FHIT: variants seen among roughly 807,000 people sequenced by gnomAD.
The protein encoded by FHIT is bis(5'-adenosyl)-triphosphatase.
A neutral mutation model predicts 17.9 loss-of-function variants in FHIT; 19 were observed. The observed-to-expected ratio is 1.06, with a 90% CI of 0.74 to 1.56. The LOEUF (loss-of-function observed/expected upper bound fraction) is 1.56, where lower values mean the gene tolerates loss of function less well. Among genes scored for constraint, FHIT ranks in the 40% most tolerant of loss-of-function variants. The pLI is 0.00. For missense variants in FHIT, 248 were observed against 189.2 expected (o/e 1.31, Z -1.82); for synonymous variants, 81 against 69.7 (o/e 1.16, Z -0.81).
chr3:60,259,937 G>C (rs1706207313), intron 5 of FHIT, among the ~76,000 whole-genome samples: 1 of 152,016 alleles, frequency 6.6e-6, no homozygotes, highest in South Asian at 2.1e-4. Context: ...GAAAGCAAGA[G>C]GCTGGGACCT....
intron 8 of FHIT, among the ~76,000 whole-genome samples, chr3:59,777,482 C>T (rs1296627380): frequency 6.6e-6 from 1 of 152,162 alleles, no homozygotes; most frequent in East Asian, 1.9e-4. Flanking sequence ...AGCAATTCTT[C>T]TTAGCTTCTG....
chr3:60,042,948 G>T (rs907763484), intron 5 of FHIT, among the ~76,000 whole-genome samples: 1 of 152,136 alleles, frequency 6.6e-6, no homozygotes, highest in Admixed American at 6.6e-5. Context: ...CCTTGATGAA[G>T]TGTCTACTGT....
chr3:59,867,094 A>C (rs928114962), intron 8 of FHIT, among the ~76,000 whole-genome samples: 1 of 146,446 alleles, frequency 6.8e-6, no homozygotes, highest in African/African-American at 2.6e-5. Flanking sequence ...GCCTCTAATT[A>C]GTTAAAAGAC....
At chr3:60,921,568 A>T (rs1406995165) in intron 3 of FHIT, among the ~76,000 whole-genome samples, 1 of 152,238 alleles carries the variant, frequency 6.6e-6, no homozygotes, top group African/African-American at 2.4e-5. Context: ...CTTTTTAAAT[A>T]ACATTATAAC....
At chr3:60,823,068 T>C (rs1553739843) in intron 3 of FHIT, among the ~76,000 whole-genome samples, 1 of 152,226 alleles carries the variant, frequency 6.6e-6, no homozygotes, top group African/African-American at 2.4e-5. Context: ...CAGATGATCA[T>C]TCATTTAACA....
At chr3:60,264,422 A>G (rs1340504707) in intron 5 of FHIT, among the ~76,000 whole-genome samples, 1 of 152,034 alleles carries the variant, frequency 6.6e-6, no homozygotes, top group Non-Finnish European at 1.5e-5. Flanking sequence ...AAGCTTAAAA[A>G]GAAAAAATTA....
intron 5 of FHIT, among the ~76,000 whole-genome samples, chr3:60,303,212 TC>T (rs1708520418): frequency 6.6e-6 from 1 of 152,176 alleles, no homozygotes; most frequent in Non-Finnish European, 1.5e-5. Flanking sequence ...AGAAACTATT[TC>T]TTTTCACCTC....
chr3:59,894,303 G>T (rs1271728376), intron 8 of FHIT, among the ~76,000 whole-genome samples: 1 of 152,076 alleles, frequency 6.6e-6, no homozygotes, highest in Non-Finnish European at 1.5e-5. Flanking sequence ...TTTGAATCCT[G>T]GCCCTATTCC....
At chr3:60,986,080 C>G (rs372991937) in intron 3 of FHIT, among the ~76,000 whole-genome samples, 4 of 152,224 alleles carry the variant, frequency 2.6e-5, no homozygotes, top group Admixed American at 1.3e-4. Flanking sequence ...AGAATAATCT[C>G]TCATTCTCAA....
chr3:60,203,505 A>C (rs1312382896), intron 5 of FHIT, among the ~76,000 whole-genome samples: 2 of 152,192 alleles, frequency 1.3e-5, no homozygotes, highest in African/African-American at 4.8e-5. Context: ...TCACACCAAG[A>C]GTTTTTATCA....
chr3:61,111,346 C>G (rs900903415), intron 2 of FHIT, among the ~76,000 whole-genome samples: 1 of 152,170 alleles, frequency 6.6e-6, no homozygotes, highest in African/African-American at 2.4e-5. Context: ...ACAAGCCACA[C>G]TGAATCTCAT....
intron 3 of FHIT, among the ~76,000 whole-genome samples, chr3:60,887,519 G>A (rs553539965): frequency 6.6e-5 from 10 of 151,992 alleles, no homozygotes; most frequent in East Asian, 3.9e-4. Flanking sequence ...GGTGGCACAC[G>A]CCTGTAATCC....
intron 5 of FHIT, among the ~76,000 whole-genome samples, chr3:60,066,975 C>G (rs547990466): frequency 2.0e-5 from 3 of 152,080 alleles, no homozygotes; most frequent in Non-Finnish European, 2.9e-5. Flanking sequence ...AATACTGACA[C>G]AGCGCTTCAT....
At chr3:61,035,854 G>C (rs1898749) in intron 3 of FHIT, among the ~76,000 whole-genome samples, 13 of 151,942 alleles carry the variant, frequency 8.6e-5, no homozygotes, top group Admixed American at 2.0e-4. Flanking sequence ...CACTCTTCTG[G>C]CTCCTCAGTA....
At chr3:59,833,568 C>A (rs1275581814) in intron 8 of FHIT, among the ~76,000 whole-genome samples, 1 of 152,144 alleles carries the variant, frequency 6.6e-6, no homozygotes, top group African/African-American at 2.4e-5. Flanking sequence ...CAATAAATTT[C>A]TAATTTTTTA....
At chr3:60,226,972 A>G (rs1179318527) in intron 5 of FHIT, among the ~76,000 whole-genome samples, 1 of 152,210 alleles carries the variant, frequency 6.6e-6, no homozygotes, top group Non-Finnish European at 1.5e-5. Context: ...CCATGCACTG[A>G]CATAAGAAAG....
At chr3:59,874,533 G>T (rs371004507) in intron 8 of FHIT, among the ~76,000 whole-genome samples, 1 of 152,114 alleles carries the variant, frequency 6.6e-6, no homozygotes, top group African/African-American at 2.4e-5. Context: ...CTGGTCCAGG[G>T]ATCTAGAAGA....
intron 5 of FHIT, among the ~76,000 whole-genome samples, chr3:60,529,417 A>C (rs1353002153): frequency 6.6e-6 from 1 of 152,198 alleles, no homozygotes; most frequent in African/African-American, 2.4e-5. Context: ...CATGAAATAT[A>C]AAAGAATAAG....
chr3:60,155,832 C>T (rs1700664115), intron 5 of FHIT, among the ~76,000 whole-genome samples: 1 of 152,186 alleles, frequency 6.6e-6, no homozygotes, highest in South Asian at 2.1e-4. Context: ...CCCACTCCAA[C>T]CTCCACCTCA....
Sources: allele counts gnomAD v4.1 joint callset (sites outside exome capture counted in the v4.1 genomes callset), GRCh38; gene constraint gnomAD v4.1.1; transcripts MANE v1.5; gene names NCBI Gene and HGNC (gene_info 2026-07-23, HGNC 2026-07-21).